The following LIMD1 variants were observed in gnomAD, a reference collection of about 807,000 sequenced individuals.
LIMD1 encodes the protein LIM domain containing 1.
Under a neutral mutation model 58.4 loss-of-function variants are expected in LIMD1, and 23 were observed. The observed-to-expected ratio is 0.39, with a 90% CI of 0.28 to 0.56. LIMD1 has a LOEUF of 0.56. LIMD1 is among the 20% of genes least tolerant of loss of function. The pLI is 0.57. For missense variants in LIMD1, 838 were observed against 855.5 expected (o/e 0.98, Z 0.25); for synonymous variants, 334 against 345.5 (o/e 0.97, Z 0.37).
intron 2 of LIMD1, among the ~76,000 whole-genome samples, chr3:45,647,144 C>T (rs1304403786): frequency 3.9e-5 from 6 of 152,214 alleles, no homozygotes; most frequent in African/African-American, 1.4e-4. Flanking sequence ...GCTGTGCCTA[C>T]ATAGACGTTT....
At position 45,676,967 on chromosome 3, in the gene LIMD1, C is replaced by T. The variant is rs767488947; in HGVS notation, c.1939C>T (p.Pro647Ser). ...TGATGAAGATGGCCACCGCTGTTAT[C>T]CGCTGGAGGACCACCTGTTCTGTCA... ...LNDEDGHRCY[P>S]LEDHLFCHSC... The change falls in exon 8 of 8, where the codon CCG becomes TCG. Residue 647 changes from proline to serine, a missense_variant. Pro to Ser is a moderately conservative substitution (Grantham distance 74). This residue lies in a region of LIMD1 where 174 missense variants were observed against 197.4 expected (regional missense o/e 0.88). Transcript: ENST00000273317. 2 of 1,614,118 alleles carry T rather than the reference C, an allele frequency of 1.2e-6. No individual in the cohort carries two copies. The highest frequency in any genetic ancestry group is 1.7e-6 in the Non-Finnish European group (2 of 1,179,956).
chr3:45,633,297 G>T (rs1701755079), intron 1 of LIMD1, among the ~76,000 whole-genome samples: 1 of 152,076 alleles, frequency 6.6e-6, no homozygotes, highest in African/African-American at 2.4e-5. Flanking sequence ...ACTTTTTGGG[G>T]GTGTTGGAAA....
In LIMD1 at chr3:45,595,283, G is replaced by C. The variant is rs1183138817; in HGVS notation, c.404G>C (p.Arg135Thr). ...TACCCACCGCAGGAGCAGAGATCCAGGCCATACCTGCATGGCACGAGGCAT... is the reference window on the plus strand; with the variant it reads ...TACCCACCGCAGGAGCAGAGATCCACGCCATACCTGCATGGCACGAGGCAT... The part of the protein sequence containing the change: ...PPYPPQEQRS[R>T]PYLHGTRHGS... Residue 135 changes from arginine to threonine, a missense_variant, in exon 1 of 8, where the codon AGG becomes ACG. Transcript: ENST00000273317. 1.9e-6 allele frequency: 3 copies of C among 1,613,016 alleles called. No individual in the cohort carries two copies. The South Asian group carries it at 3.3e-5, about 18-fold the overall frequency.
chr3:45,595,934 C>G lies in LIMD1; in HGVS notation c.1055C>G (p.Ser352Cys). The change falls in exon 1 of 8, where the codon TCC (serine) becomes TGC (cysteine). Residue 352 changes from serine (S) to cysteine (C), a missense_variant. Physicochemically the swap from Ser to Cys is moderately radical, Grantham distance 112 (BLOSUM62 -1). Coordinates refer to ENST00000273317, the MANE Select transcript of LIMD1 (RefSeq NM_014240.3). The part of the protein sequence containing the change: ...KSYLSSSAPS[S>C]SPAGLDGSQQ... ...TACCTTTCCAGTTCTGCCCCGTCAT[C>G]CTCGCCAGCTGGTCTGGACGGTTCA... The G allele has an allele frequency of 6.2e-7, 1 of 1,614,248 alleles. No homozygotes were observed. The highest frequency in any genetic ancestry group is 8.5e-7 in the Non-Finnish European group (1 of 1,180,036).
At chr3:45,651,913 T>C (rs1470969823) in intron 2 of LIMD1, among the ~76,000 whole-genome samples, 1 of 148,638 alleles carries the variant, frequency 6.7e-6, no homozygotes, top group Middle Eastern at 3.4e-3. Context: ...ATTATAGGCG[T>C]GAGCCACCGC....
chr3:45,618,139 G>A (rs1355534489), intron 1 of LIMD1, among the ~76,000 whole-genome samples: 1 of 152,138 alleles, frequency 6.6e-6, no homozygotes, highest in Non-Finnish European at 1.5e-5. Context: ...ACACTCAGCC[G>A]CCTGCTGGAG....
intron 1 of LIMD1, among the ~76,000 whole-genome samples, chr3:45,604,073 T>G (rs987607196): frequency 6.6e-6 from 1 of 152,228 alleles, no homozygotes; most frequent in Non-Finnish European, 1.5e-5. Context: ...ATGTAACTTT[T>G]AAAAACTTGG....
At chr3:45,631,510 C>T (rs1343369791) in intron 1 of LIMD1, among the ~76,000 whole-genome samples, 1 of 152,128 alleles carries the variant, frequency 6.6e-6, no homozygotes, top group Non-Finnish European at 1.5e-5. Context: ...GTTTCAAACA[C>T]AGGTGGCTTC....
intron 1 of LIMD1, among the ~76,000 whole-genome samples, chr3:45,599,239 C>T (rs558002351): frequency 2.6e-5 from 4 of 152,074 alleles, no homozygotes; most frequent in Admixed American, 2.0e-4. Flanking sequence ...ACATTCACAA[C>T]GTTGTACAAT....
chr3:45,638,312 G>A, intron 2 of LIMD1, among the ~76,000 whole-genome samples: 1 of 152,112 alleles, frequency 6.6e-6, no homozygotes, highest in East Asian at 1.9e-4. Context: ...TTTAATTTTA[G>A]TTTTAGATTC....
At chr3:45,665,448 A>AG (rs1305540103) in intron 2 of LIMD1, among the ~76,000 whole-genome samples, 2 of 152,168 alleles carry the variant, frequency 1.3e-5, no homozygotes, top group Non-Finnish European at 2.9e-5. Flanking sequence ...AGCACCTGCC[A>AG]GGGCACCCTT....
chr3:45,626,203 A>T (rs1161730484), intron 1 of LIMD1, among the ~76,000 whole-genome samples: 1 of 152,244 alleles, frequency 6.6e-6, no homozygotes, highest in Admixed American at 6.5e-5. Context: ...AAAACTGAAC[A>T]TATTCTTGTT....
chr3:45,640,709 C>T (rs914469634), intron 2 of LIMD1, among the ~76,000 whole-genome samples: 3 of 152,220 alleles, frequency 2.0e-5, no homozygotes, highest in Admixed American at 2.0e-4. Context: ...AAATTACAAG[C>T]GTGAGCCACC....
intron 6 of LIMD1, 158 bp downstream of exon 6, chr3:45,673,663 A>T (rs1697623898): frequency 3.3e-6 from 2 of 603,094 alleles, no homozygotes; most frequent in Admixed American, 5.5e-5. Flanking sequence ...CTGTAATCCC[A>T]CCCCTTTTAG....
At chr3:45,665,510 G>A (rs764798790) in intron 2 of LIMD1, 140 bp from the exon 3 acceptor site, 2 of 646,534 alleles carry the variant, frequency 3.1e-6, no homozygotes, top group Non-Finnish European at 5.4e-6. Flanking sequence ...GCATCTTTTA[G>A]GAACTGGAAA....
At chr3:45,611,083 A>G (rs1701518387) in intron 1 of LIMD1, among the ~76,000 whole-genome samples, 1 of 152,204 alleles carries the variant, frequency 6.6e-6, no homozygotes, top group Non-Finnish European at 1.5e-5. Context: ...GCTGTAACAC[A>G]TGGTCGTTTG....
chr3:45,657,524 C>CAA (rs71617901), intron 2 of LIMD1, among the ~76,000 whole-genome samples: 8 of 99,554 alleles, frequency 8.0e-5, no homozygotes, highest in Non-Finnish European at 1.4e-4. Context: ...GACGCTGTCT[C>CAA]AAAAAAAAAA....
At chr3:45,627,308 C>T (rs1701676572) in intron 1 of LIMD1, among the ~76,000 whole-genome samples, 1 of 152,116 alleles carries the variant, frequency 6.6e-6, no homozygotes, top group Non-Finnish European at 1.5e-5. Context: ...TCCCTTAGCC[C>T]CTCTTATAAG....
In LIMD1 at chr3:45,596,008, C is replaced by T. The variant is rs755768062; in HGVS notation, c.1129C>T (p.Leu377Phe). ...GGGGCCGAAGCCTGGCTGCACAGAC[C>T]TTGGCACTGGTCCCAAGCTCAGCCC... ...GLGPKPGCTD[L>F]GTGPKLSPTS... The change falls in exon 1 of 8, where the codon CTT becomes TTT. Residue 377 changes from leucine to phenylalanine, a missense_variant. Physicochemically the swap from Leu to Phe is conservative, Grantham distance 22. Coordinates refer to ENST00000273317, the MANE Select transcript of LIMD1 (RefSeq NM_014240.3). The T allele has an allele frequency of 1.2e-5, 20 of 1,614,098 alleles. No individual in the cohort carries two copies. In the Middle Eastern group the frequency reaches 8.2e-4, roughly 66 times the overall value.
Sources: allele counts gnomAD v4.1 joint callset (sites outside exome capture counted in the v4.1 genomes callset), GRCh38; gene constraint gnomAD v4.1.1; regional missense constraint gnomAD v4.1.1; transcripts MANE v1.5; gene names NCBI Gene and HGNC (gene_info 2026-07-23, HGNC 2026-07-21).